Variants in CAST observed in about 807,000 individuals in gnomAD.
CAST encodes calpastatin.
Under a neutral mutation model 119.6 loss-of-function variants are expected in CAST, and 76 were observed. The ratio of observed to expected loss-of-function variants is 0.64; its 90% confidence interval spans 0.53 to 0.77. CAST has a LOEUF of 0.77. CAST is among the 30% of genes least tolerant of loss of function. The pLI is 0.00. For synonymous variants in CAST, 319 were observed against 331.6 expected (o/e 0.96, Z 0.41); for missense variants, 953 against 946.5 (o/e 1.01, Z -0.09).
At chr5:96,362,168 C>A in the CAST span, among the ~76,000 whole-genome samples, 5 of 151,910 alleles carry the variant, frequency 3.3e-5, no homozygotes, top group Admixed American at 6.6e-5. Flanking sequence ...TGAACTCATC[C>A]TTTTTTATGG....
intron 1 of CAST, among the ~76,000 whole-genome samples, chr5:96,533,487 A>G (rs1745729431): frequency 6.6e-6 from 1 of 152,198 alleles, no homozygotes; most frequent in African/African-American, 2.4e-5. Flanking sequence ...GCTATTTTAT[A>G]ATAATATTAA....
the CAST span, among the ~76,000 whole-genome samples, chr5:96,324,423 C>T: frequency 2.6e-5 from 4 of 152,168 alleles, no homozygotes; most frequent in African/African-American, 9.7e-5. Flanking sequence ...GGCCTTTATC[C>T]TAATCGTAAT....
At chr5:96,018,993 T>C in the CAST span, among the ~76,000 whole-genome samples, 1 of 152,192 alleles carries the variant, frequency 6.6e-6, no homozygotes, top group Non-Finnish European at 1.5e-5. Context: ...GTCACCATTA[T>C]TCCCTGCCTA....
the CAST span, among the ~76,000 whole-genome samples, chr5:96,445,639 C>T: frequency 1.3e-5 from 2 of 152,192 alleles, no homozygotes; most frequent in Admixed American, 1.3e-4. Flanking sequence ...CATGCCACGG[C>T]TCACTCTGGA....
At chr5:96,492,142 G>C in the CAST span, among the ~76,000 whole-genome samples, 3 of 152,214 alleles carry the variant, frequency 2.0e-5, no homozygotes, top group Non-Finnish European at 4.4e-5. Flanking sequence ...ATGCATGCAT[G>C]CATGCTTAAA....
At chr5:96,196,402 C>T in the CAST span, among the ~76,000 whole-genome samples, 1 of 152,130 alleles carries the variant, frequency 6.6e-6, no homozygotes, top group Non-Finnish European at 1.5e-5. Flanking sequence ...TTATGCCAGG[C>T]ACAAAATACT....
chr5:96,765,166 G>C, intron 25 of CAST, 55 bp from the exon 26 acceptor site: 1 of 991,764 alleles, frequency 1.0e-6, no homozygotes, highest in Non-Finnish European at 1.6e-6. Context: ...GGGCTAATTT[G>C]CCTCTGATAC....
Position 96,576,888 on chromosome 5 carries a change from A to G in CAST, c.60+47008A>G, listed in dbSNP as rs1371101790. 2.0e-5 allele frequency among the ~76,000 whole-genome samples: 3 copies of G among 152,142 alleles called. No homozygotes were observed. The East Asian group carries it at 5.8e-4, about 29-fold the overall frequency. ...GGATGTGTAGGTTTGTTACATAGGT[A>G]AATGTGTGCCATGGTGGTTTGCTGC... is the stretch of plus-strand genomic sequence containing the variant. On this transcript the variant is annotated intron_variant, in intron 1 of 11. Transcript: ENST00000505143.
chr5:95,996,626 T>G, the CAST span, among the ~76,000 whole-genome samples: 6 of 152,190 alleles, frequency 3.9e-5, no homozygotes, highest in African/African-American at 1.4e-4. Context: ...GTGTAACACT[T>G]GTTCATGATG....
At chr5:96,735,800 C>T (rs191602921) in intron 9 of CAST, among the ~76,000 whole-genome samples, 2 of 152,280 alleles carry the variant, frequency 1.3e-5, no homozygotes, top group Admixed American at 1.3e-4. Flanking sequence ...GGGCAAAGAG[C>T]CAGAGAGCAA....
At chr5:96,740,653 G>A (rs1762475846) in intron 12 of CAST, 92 bp from the exon 13 acceptor site, 1 of 858,698 alleles carries the variant, frequency 1.2e-6, no homozygotes. Flanking sequence ...TGGGGTGGGA[G>A]GCACAATTCA....
chr5:96,132,349 AATG>A, the CAST span, among the ~76,000 whole-genome samples: 1 of 152,112 alleles, frequency 6.6e-6, no homozygotes, highest in Non-Finnish European at 1.5e-5. Context: ...TACAATGCAT[AATG>A]ATCAAATTAG....
At chr5:96,675,303 C>T (rs931184052) in intron 1 of CAST, among the ~76,000 whole-genome samples, 3 of 152,176 alleles carry the variant, frequency 2.0e-5, no homozygotes, top group African/African-American at 7.2e-5. Flanking sequence ...CTTGGCATCA[C>T]CATCAGCTCT....
At chr5:96,360,584 G>T in the CAST span, among the ~76,000 whole-genome samples, 1 of 152,140 alleles carries the variant, frequency 6.6e-6, no homozygotes, top group African/African-American at 2.4e-5. Flanking sequence ...TGACGGTCAG[G>T]CTCCTCTGCT....
At chr5:96,662,635 G>A in intron 1 of CAST, 138 bp downstream of exon 1, 1 of 891,300 alleles carries the variant, frequency 1.1e-6, no homozygotes, top group Non-Finnish European at 1.4e-6. Flanking sequence ...GAGAGGGCTA[G>A]GGGCTTGGCC....
chr5:96,139,279 A>G, the CAST span, among the ~76,000 whole-genome samples: 3 of 151,658 alleles, frequency 2.0e-5, no homozygotes, highest in Admixed American at 1.3e-4. Context: ...TCCTTTTATC[A>G]CTACCTCTTG....
the CAST span, among the ~76,000 whole-genome samples, chr5:96,457,404 C>T: frequency 2.0e-5 from 3 of 152,152 alleles, no homozygotes; most frequent in African/African-American, 7.2e-5. Context: ...TAAATCATGC[C>T]ATCCTTCTAT....
intron 1 of CAST, among the ~76,000 whole-genome samples, chr5:96,636,965 T>C (rs1468853059): frequency 7.1e-6 from 1 of 139,916 alleles, no homozygotes; most frequent in African/African-American, 2.7e-5. Flanking sequence ...CAGCAGATCC[T>C]GGCAGGGGGG....
chr5:96,159,028 A>G, the CAST span, among the ~76,000 whole-genome samples: 1 of 152,144 alleles, frequency 6.6e-6, no homozygotes, highest in South Asian at 2.1e-4. Flanking sequence ...GGTGTGCTCA[A>G]ACTGGAAAAA....
Sources: allele counts gnomAD v4.1 joint callset (sites outside exome capture counted in the v4.1 genomes callset), GRCh38; gene constraint gnomAD v4.1.1; transcripts MANE v1.5; gene names NCBI Gene and HGNC (gene_info 2026-07-23, HGNC 2026-07-21).